The following CUL5 variants were observed in gnomAD, a reference collection of about 807,000 sequenced individuals.
The protein encoded by CUL5 is cullin-5.
Under a neutral mutation model 108.8 loss-of-function variants are expected in CUL5, and 26 were observed. The observed-to-expected ratio is 0.24, with a 90% CI of 0.18 to 0.33. CUL5 has a LOEUF of 0.33. Ranked by LOEUF, CUL5 falls within the 10% of genes least tolerant of loss-of-function variation. The pLI, the probability that CUL5 is intolerant of heterozygous loss-of-function variation, is 1.00. For synonymous variants in CUL5, 334 were observed against 298.0 expected (o/e 1.12, Z -1.25); for missense variants, 524 against 909.2 (o/e 0.58, Z 5.45).
intron 1 of CUL5, among the ~76,000 whole-genome samples, chr11:108,017,809 T>A (rs1228765698): frequency 6.6e-6 from 1 of 152,058 alleles, no homozygotes; most frequent in African/African-American, 2.4e-5. Flanking sequence ...TTTATGCTGC[T>A]GCACTCTAGC....
At chr11:108,095,181 T>C (rs1192532897) in intron 15 of CUL5, among the ~76,000 whole-genome samples, 194 bp downstream of exon 15, 1 of 152,192 alleles carries the variant, frequency 6.6e-6, no homozygotes, top group Admixed American at 6.5e-5. Flanking sequence ...GATACTGCCG[T>C]TGTCTACAGA....
Position 108,009,283 on chromosome 11 carries a change from G to C in CUL5, c.-66G>C. 3 of 1,592,588 alleles carry C rather than the reference G, an allele frequency of 1.9e-6. No homozygotes were observed. The highest frequency in any genetic ancestry group is 2.6e-6 in the Non-Finnish European group (3 of 1,163,082). On this transcript the variant is annotated 5_prime_UTR_variant, in exon 1 of 19. Coordinates refer to ENST00000393094, the MANE Select transcript of CUL5 (RefSeq NM_003478.6). ...GGCCCTGGTGGGAGCTCCGGCCTCC[G>C]GTCAAGGCCTGGCCGGGAGCGCCAC... is the stretch of plus-strand genomic sequence containing the variant.
At chr11:108,059,021 A>G (rs918720692) in intron 7 of CUL5, among the ~76,000 whole-genome samples, 4 of 152,302 alleles carry the variant, frequency 2.6e-5, no homozygotes, top group Middle Eastern at 3.4e-3. Context: ...GTGTTTTAAG[A>G]GGCAGAGTCT....
At chr11:108,102,568 C>T (rs764098413) in intron 18 of CUL5, among the ~76,000 whole-genome samples, 7 of 151,750 alleles carry the variant, frequency 4.6e-5, no homozygotes, top group Non-Finnish European at 1.0e-4. Flanking sequence ...ACGACTCAAA[C>T]GATCCACCCA....
intron 1 of CUL5, among the ~76,000 whole-genome samples, chr11:108,031,993 G>A (rs1862597026): frequency 1.3e-5 from 2 of 152,088 alleles, no homozygotes; most frequent in South Asian, 4.1e-4. Flanking sequence ...CACATAAAGG[G>A]GAACAACACA....
intron 2 of CUL5, among the ~76,000 whole-genome samples, chr11:108,037,819 TAAGG>T (rs1325869598): frequency 6.6e-6 from 1 of 152,198 alleles, no homozygotes; most frequent in Non-Finnish European, 1.5e-5. Context: ...ACATTCTCAT[TAAGG>T]AATGATGGGA....
At chr11:108,024,148 G>T (rs1181056269) in intron 1 of CUL5, among the ~76,000 whole-genome samples, 1 of 152,206 alleles carries the variant, frequency 6.6e-6, no homozygotes, top group Non-Finnish European at 1.5e-5. Context: ...AATTAAGAAT[G>T]TGGCTTTAAC....
chr11:108,094,299 A>G, intron 13 of CUL5, 92 bp from the exon 14 acceptor site: 1 of 957,996 alleles, frequency 1.0e-6, no homozygotes, highest in Non-Finnish European at 1.5e-6. Flanking sequence ...GTATTAAAAC[A>G]TTTAAGACTT....
chr11:108,023,183 A>G (rs1039832509), intron 1 of CUL5, among the ~76,000 whole-genome samples: 3 of 152,210 alleles, frequency 2.0e-5, no homozygotes, highest in African/African-American at 7.2e-5. Flanking sequence ...AGGGAGGCAG[A>G]GGTTGTAGTG....
At chr11:108,095,759 G>C in intron 16 of CUL5, 68 bp downstream of exon 16, 1 of 1,305,962 alleles carries the variant, frequency 7.7e-7, no homozygotes, top group Non-Finnish European at 1.1e-6. Context: ...TGATTGGCTT[G>C]TAATATATTA....
intron 7 of CUL5, among the ~76,000 whole-genome samples, chr11:108,068,399 G>A (rs1483106407): frequency 1.3e-5 from 2 of 151,928 alleles, no homozygotes; most frequent in African/African-American, 4.8e-5. Context: ...GCTTACTGCA[G>A]CCTTGACCTC....
chr11:108,025,378 A>G (rs1862428595), intron 1 of CUL5, among the ~76,000 whole-genome samples: 1 of 151,936 alleles, frequency 6.6e-6, no homozygotes. Flanking sequence ...TATATGTTTT[A>G]GGGGCTTGAT....
chr11:108,038,817 G>A (rs1862813816), intron 2 of CUL5, among the ~76,000 whole-genome samples: 1 of 151,888 alleles, frequency 6.6e-6, no homozygotes. Context: ...CATGTTAATC[G>A]TTAACATTTA....
intron 1 of CUL5, among the ~76,000 whole-genome samples, chr11:108,014,734 C>T (rs1862137832): frequency 6.6e-6 from 1 of 152,040 alleles, no homozygotes; most frequent in Non-Finnish European, 1.5e-5. Flanking sequence ...TAATGATGAA[C>T]TAGGCAGACA....
In CUL5 at chr11:108,073,450, A is replaced by G; in HGVS notation, c.1066A>G (p.Lys356Glu). Residue 356 changes from lysine to glutamate, a missense_variant, in exon 10 of 19, where the codon AAA becomes GAA. Coordinates refer to ENST00000393094, the MANE Select transcript of CUL5 (RefSeq NM_003478.6). ...ATTTAATAGATTTAGTAAACTCGTCAAAGAAGCTTTTCAAGATGATCCACG... is the reference window on the plus strand; with the variant it reads ...ATTTAATAGATTTAGTAAACTCGTCGAAGAAGCTTTTCAAGATGATCCACG... Reference protein sequence around the residue: ...TLFNRFSKLVKEAFQDDPRFL... With the variant: ...TLFNRFSKLVEEAFQDDPRFL... 6.3e-7 allele frequency: 1 copy of G among 1,598,084 alleles called. No individual in the cohort carries two copies. Among genetic ancestry groups the G allele is most frequent in the East Asian group, 2.2e-5 (1 of 44,538 alleles).
intron 7 of CUL5, among the ~76,000 whole-genome samples, chr11:108,066,971 C>G (rs1863700030): frequency 6.6e-6 from 1 of 152,206 alleles, no homozygotes; most frequent in Admixed American, 6.5e-5. Context: ...ACACGTAACT[C>G]AGTTCTGAGC....
Position 108,094,837 on chromosome 11 carries a change from G to A in CUL5, c.1593G>A (p.Leu531=), listed in dbSNP as rs1345684722. 2 of 1,601,416 alleles carry A rather than the reference G, an allele frequency of 1.2e-6. No homozygotes were observed. Among genetic ancestry groups the A allele is most frequent in the Non-Finnish European group, 1.7e-6 (2 of 1,175,384 alleles). Residue 531 remains leucine (L), a synonymous_variant, in exon 15 of 19, where the codon CTG becomes CTA. Transcript: ENST00000393094. The part of the protein sequence containing the change: ...LPADSVNIKI[L]NAGAWSRSSE... ...CTGATTCAGTTAATATAAAAATTCT[G>A]AATGCTGGCGCCTGGTCAAGAAGTT... is the stretch of plus-strand genomic sequence containing the variant.
chr11:108,034,753 T>G (rs1043221141), intron 2 of CUL5, among the ~76,000 whole-genome samples: 2 of 152,212 alleles, frequency 1.3e-5, no homozygotes, highest in Admixed American at 1.3e-4. Context: ...ATAAAATCAG[T>G]GTATCCCTTT....
Position 108,019,209 on chromosome 11 carries a change from T to TG in CUL5, c.24+9841dup, listed in dbSNP as rs1406460526. On this transcript the variant is annotated intron_variant, in intron 1 of 18. Coordinates refer to ENST00000393094, the MANE Select transcript of CUL5 (RefSeq NM_003478.6). ...GTATCCCGATGGGTGGGGGTGGGGG[T>TG]GGGGTGGGGTGGATCCTGGAATCAT... Among the ~76,000 whole-genome samples the TG allele has an allele frequency of 5.9e-4, 6 of 10,220 alleles. No homozygotes were observed. In the South Asian group the frequency reaches 0.017, roughly 29 times the overall value. 6.7% of individuals were successfully genotyped at this position (10,220 alleles called of 152,430 possible). A position where few individuals can be genotyped will look rare whatever the true frequency, so the allele number is the denominator to read the frequency against.
Sources: allele counts gnomAD v4.1 joint callset (sites outside exome capture counted in the v4.1 genomes callset), GRCh38; gene constraint gnomAD v4.1.1; transcripts MANE v1.5; gene names NCBI Gene and HGNC (gene_info 2026-07-23, HGNC 2026-07-21).